Variants in TAPBPL observed in about 807,000 individuals in gnomAD.
TAPBPL encodes tapasin-related protein.
Under a neutral mutation model 44.8 loss-of-function variants are expected in TAPBPL, and 32 were observed. The ratio of observed to expected loss-of-function variants is 0.71; its 90% CI spans 0.54 to 0.96. The LOEUF (loss-of-function observed/expected upper bound fraction) is 0.96. TAPBPL is among the 40% of genes least tolerant of loss of function. The probability of loss-of-function intolerance (pLI) is 0.00; values close to 1 mark genes in which losing one functional copy is unlikely to be tolerated. For missense variants in TAPBPL, 520 were observed against 586.6 expected (o/e 0.89, Z 1.17); for synonymous variants, 230 against 240.7 (o/e 0.96, Z 0.41).
intron 3 of TAPBPL, among the ~76,000 whole-genome samples, chr12:6,456,714 G>A (rs898459188): frequency 3.7e-4 from 56 of 150,964 alleles, no homozygotes; most frequent in African/African-American, 1.3e-3. Flanking sequence ...GTGCAATGGC[G>A]CGATCTTGGC....
chr12:6,453,632 A>G lies in TAPBPL; in HGVS notation c.481A>G (p.Thr161Ala). The change falls in exon 3 of 7, where the codon ACT (threonine) becomes GCT (alanine). Residue 161 changes from threonine to alanine, a missense_variant. By Grantham distance (58) the Thr-to-Ala change is moderately conservative (BLOSUM62 0). Coordinates refer to ENST00000266556, the MANE Select transcript of TAPBPL (RefSeq NM_018009.5). This position sits in a 1 kb window ranked among gnomAD's most constrained non-coding sequence, Gnocchi z 4.8. ...GGPSISLVMK[T>A]PRVTKNEALW... ...ACCTAGCATCTCCTTGGTGATGAAG[A>G]CTCCCAGGGTCACCAAGAATGAGGC... 6.2e-7 allele frequency: 1 copy of G among 1,613,936 alleles called. No individual in the cohort carries two copies.
rs1184941318 is a variant in TAPBPL, at chr12:6,457,389, T to C, written c.566-17T>C. 1 of 1,604,606 alleles carries C rather than the reference T, an allele frequency of 6.2e-7. No individual in the cohort carries two copies. The highest frequency in any genetic ancestry group is 1.1e-5 in the South Asian group (1 of 90,408). On this transcript the variant is annotated splice_polypyrimidine_tract_variant and intron_variant, in intron 3 of 6. Transcript: ENST00000266556. ...GAGGAAGTAGCCCACAAATCACCCC[T>C]CTTTTCCTCTTCACAGTGGAGTTCC...
At chr12:6,465,902 T>C (rs751679274), downstream of TAPBPL, 1 of 1,614,274 alleles carries the variant, frequency 6.2e-7, no homozygotes, top group Non-Finnish European at 8.5e-7. Flanking sequence ...CAAATTGTGA[T>C]GCTCCTGCCT....
At chr12:6,469,209 T>G (rs1945707482), downstream of TAPBPL, among the ~76,000 whole-genome samples, 2 of 152,222 alleles carry the variant, frequency 1.3e-5, no homozygotes, top group Admixed American at 6.5e-5. Flanking sequence ...ACTCTTGTCC[T>G]GCCACTGAGC....
At chr12:6,461,137 G>T (rs1208296090) in intron 6 of TAPBPL, 199 bp downstream of exon 6, 1 of 1,402,734 alleles carries the variant, frequency 7.1e-7, no homozygotes, top group African/African-American at 1.5e-5. Context: ...CCTCACTAAA[G>T]TCTGTCACTC....
At position 6,453,286 on chromosome 12, in the gene TAPBPL, T is replaced by C. The variant is rs756174566; in HGVS notation, c.284T>C (p.Phe95Ser). 5 of 1,613,774 alleles carry C rather than the reference T, an allele frequency of 3.1e-6. No individual in the cohort carries two copies. In the Admixed American group the frequency reaches 6.7e-5, roughly 22 times the overall value. The change falls in exon 2 of 7, where the codon TTT (phenylalanine) becomes TCT (serine). Residue 95 changes from phenylalanine (F) to serine (S), a missense_variant. Coordinates refer to ENST00000266556, the MANE Select transcript of TAPBPL (RefSeq NM_018009.5). This position sits in a 1 kb window ranked among gnomAD's most constrained non-coding sequence, Gnocchi z 4.8. Reference sequence around the variant, plus strand: ...GCCCAAGATGACCCACCTATTATCTTTGAGGCCTCAGGTAAAAGCCTTCCA... The same window carrying C: ...GCCCAAGATGACCCACCTATTATCTCTGAGGCCTCAGGTAAAAGCCTTCCA... ...TLAQDDPPII[F>S]EASVDLVQIP...
intron 4 of TAPBPL, 134 bp downstream of exon 4, chr12:6,457,878 C>A: frequency 2.0e-6 from 2 of 987,972 alleles, no homozygotes; most frequent in Non-Finnish European, 2.9e-6. Flanking sequence ...ATGCCATCTT[C>A]ACCATGGAAG....
chr12:6,461,521 G>C (rs1949860002), intron 6 of TAPBPL: 1 of 924,562 alleles, frequency 1.1e-6, no homozygotes, highest in Non-Finnish European at 1.3e-6. Context: ...AGGCCCTTGT[G>C]TCTGCTGCGA....
intron 6 of TAPBPL, among the ~76,000 whole-genome samples, chr12:6,461,678 A>G (rs1949864848): frequency 6.6e-6 from 1 of 152,238 alleles, no homozygotes. Context: ...GTTGCACCTC[A>G]GCTGCAATTA....
chr12:6,464,518 AAAAGAG>A (rs1167645319), downstream of TAPBPL: 2 of 1,482,886 alleles, frequency 1.3e-6, no homozygotes, highest in Non-Finnish European at 1.8e-6. Flanking sequence ...TCCCAGACGG[AAAAGAG>A]AAAGAGACAG....
At chr12:6,458,134 T>C (rs1949749612) in intron 4 of TAPBPL, among the ~76,000 whole-genome samples, 1 of 152,118 alleles carries the variant, frequency 6.6e-6, no homozygotes, top group South Asian at 2.1e-4. Flanking sequence ...ACACCTATAA[T>C]CCCAGCACTT....
At chr12:6,470,579 C>G, downstream of TAPBPL, 1 of 1,613,188 alleles carries the variant, frequency 6.2e-7, no homozygotes, top group Non-Finnish European at 8.5e-7. Context: ...GAGGCTGCGG[C>G]GAGACACCCG....
At chr12:6,456,517 C>G (rs563613823) in intron 3 of TAPBPL, among the ~76,000 whole-genome samples, 1 of 151,980 alleles carries the variant, frequency 6.6e-6, no homozygotes, top group Admixed American at 6.6e-5. Flanking sequence ...GCATGCGCCA[C>G]GACACCCAGC....
chr12:6,470,546 G>A (rs370189466), downstream of TAPBPL: 7 of 1,613,096 alleles, frequency 4.3e-6, no homozygotes, highest in East Asian at 2.2e-5. Context: ...CTGACAGAGA[G>A]AGTGAGGGTC....
intron 5 of TAPBPL, 130 bp from the exon 6 acceptor site, chr12:6,460,725 C>G: frequency 1.3e-6 from 1 of 793,890 alleles, no homozygotes; most frequent in Non-Finnish European, 2.1e-6. Context: ...TGCCTTGTTC[C>G]AGGCTCCTCA....
chr12:6,467,412 T>A (rs554411042), downstream of TAPBPL, among the ~76,000 whole-genome samples: 2 of 152,244 alleles, frequency 1.3e-5, no homozygotes, highest in East Asian at 1.9e-4. Flanking sequence ...CAGATGGAGA[T>A]GAGGAACTTG....
intron 6 of TAPBPL, 49 bp from the exon 7 acceptor site, chr12:6,461,985 C>T: frequency 2.0e-6 from 3 of 1,498,634 alleles, no homozygotes; most frequent in Non-Finnish European, 2.8e-6. Context: ...TGCTTGTTTG[C>T]CAGTGTGAGA....
chr12:6,463,714 T>A, downstream of TAPBPL: 1 of 1,148,922 alleles, frequency 8.7e-7, no homozygotes, highest in Non-Finnish European at 1.1e-6. This position sits in a 1 kb window ranked among gnomAD's most constrained non-coding sequence, Gnocchi z 4.0. Flanking sequence ...TCATACAGAA[T>A]GCTGTAGAAA....
At chr12:6,462,830 C>A (rs1264769503), downstream of TAPBPL, 1 of 1,606,046 alleles carries the variant, frequency 6.2e-7, no homozygotes, top group Non-Finnish European at 8.5e-7. Flanking sequence ...TCTTCCAGCT[C>A]TTCAGTCCCG....
Sources: gnomAD v4.1 joint callset for allele counts (sites outside exome capture counted in the v4.1 genomes callset) on GRCh38, gnomAD v4.1.1 for gene constraint, Gnocchi (gnomAD v3.1) non-coding constraint, MANE v1.5 for transcripts, NCBI Gene and HGNC (gene_info 2026-07-23, HGNC 2026-07-21) for gene names.